The following RAD54B variants were observed in gnomAD, a reference collection of about 807,000 sequenced individuals.
The protein encoded by RAD54B is RAD54 homolog B, also known as DNA repair and recombination protein RAD54B.
Under a neutral mutation model 95.8 loss-of-function variants are expected in RAD54B, and 78 were observed. The observed-to-expected ratio is 0.81, with a 90% CI of 0.68 to 0.98. The LOEUF is 0.98. Among genes scored for constraint, RAD54B ranks in the 50% least tolerant of loss-of-function variants. The pLI is 0.00. For missense variants in RAD54B, 957 were observed against 1,056.6 expected (o/e 0.91, Z 1.31); for synonymous variants, 328 against 354.9 (o/e 0.92, Z 0.85).
intron 3 of RAD54B, among the ~76,000 whole-genome samples, chr8:94,447,988 T>C (rs1306063698): frequency 1.3e-5 from 2 of 152,222 alleles, no homozygotes; most frequent in Non-Finnish European, 2.9e-5. Context: ...TATCGATACT[T>C]GAACCAAAAG....
Position 94,393,882 on chromosome 8 carries a change from C to A in RAD54B, c.1379G>T (p.Gly460Val). 2 of 1,580,206 alleles carry A rather than the reference C, an allele frequency of 1.3e-6. No individual in the cohort carries two copies. The highest frequency in any genetic ancestry group is 1.2e-5 in the South Asian group (1 of 85,204). ...TTGCAGATCATTCTGAATTGGAGTA[C>A]CTAAAGAGAGACAAAAATGAGTAAA... is the stretch of plus-strand genomic sequence containing the variant. ...LSCEKRIILT[G>V]TPIQNDLQEF... is the part of the protein sequence containing the mutation. The change falls in exon 9 of 15, where the codon GGT (glycine) becomes GTT (valine). Residue 460 changes from glycine (G) to valine (V), a missense_variant and splice_region_variant. Transcript: ENST00000336148.
At chr8:94,393,690 A>C in intron 9 of RAD54B, 53 bp downstream of exon 9, 1 of 1,455,302 alleles carries the variant, frequency 6.9e-7, no homozygotes, top group Non-Finnish European at 9.4e-7. Context: ...GTTATGGATG[A>C]TTTCCTCAGA....
chr8:94,419,492 G>A lies in RAD54B; in HGVS notation c.305-8177C>T, dbSNP rs954765238. Among the ~76,000 whole-genome samples the A allele has an allele frequency of 5.3e-5, 8 of 151,958 alleles. 1 individual carries two copies. Among genetic ancestry groups the A allele is most frequent in the African/African-American group, 1.9e-4 (8 of 41,346 alleles). On this transcript the variant is annotated intron_variant, in intron 3 of 14. Coordinates refer to ENST00000336148, the MANE Select transcript of RAD54B (RefSeq NM_012415.3). ...CACTGCACTCTAGCCTGGGCAACAA[G>A]AGCGAAACTCCGTCTCAAAAAAATA...
At position 94,399,487 on chromosome 8, in the gene RAD54B, A is replaced by T; in HGVS notation, c.1305T>A (p.Arg435=). The T allele has an allele frequency of 1.2e-6, 2 of 1,613,704 alleles. No homozygotes were observed. Among genetic ancestry groups the T allele is most frequent in the Non-Finnish European group, 1.7e-6 (2 of 1,179,744 alleles). ...FDLLICDEGH[R]LKNSAIKTTT... Reference sequence around the variant, plus strand: ...TTGTCTTAATGGCACTGTTCTTCAAACGATGCCCCTCGTCACAGATTAGAA... The same window carrying T: ...TTGTCTTAATGGCACTGTTCTTCAATCGATGCCCCTCGTCACAGATTAGAA... The change falls in exon 8 of 15, where the codon CGT becomes CGA. Residue 435 remains arginine (R), a synonymous_variant. Coordinates refer to ENST00000336148, the MANE Select transcript of RAD54B (RefSeq NM_012415.3).
intron 11 of RAD54B, 30 bp from the exon 12 acceptor site, chr8:94,380,436 T>G (rs752134426): frequency 1.2e-5 from 18 of 1,559,658 alleles, no homozygotes; most frequent in Middle Eastern, 1.8e-4. Context: ...ATTCTTTAGA[T>G]AAATTTAAAG....
intron 12 of RAD54B, among the ~76,000 whole-genome samples, chr8:94,379,481 T>G (rs1199240073): frequency 6.6e-6 from 1 of 152,214 alleles, no homozygotes; most frequent in Non-Finnish European, 1.5e-5. Flanking sequence ...GTGCCTGGTC[T>G]CTCTTGGACT....
In RAD54B at chr8:94,432,176, T is replaced by C. The variant is rs1306142565; in HGVS notation, c.305-20861A>G. Reference sequence around the variant, plus strand: ...GTAGATCATGCCGTAAGCGAATTGCTTTCAGCTTCTCCACTTCAATTTTTG... The same window carrying C: ...GTAGATCATGCCGTAAGCGAATTGCCTTCAGCTTCTCCACTTCAATTTTTG... On this transcript the variant is annotated intron_variant, in intron 3 of 14. Coordinates refer to ENST00000336148, the MANE Select transcript of RAD54B (RefSeq NM_012415.3). 8 of 1,550,176 alleles carry C rather than the reference T, an allele frequency of 5.2e-6. 1 individual carries two copies. In the South Asian group the frequency reaches 5.9e-5, roughly 12 times the overall value.
chr8:94,417,623 C>T (rs1349982968), intron 3 of RAD54B, among the ~76,000 whole-genome samples: 1 of 151,860 alleles, frequency 6.6e-6, no homozygotes, highest in Non-Finnish European at 1.5e-5. Flanking sequence ...TAAACATACA[C>T]CTACCATAAC....
At chr8:94,452,855 T>C (rs558605515) in intron 3 of RAD54B, among the ~76,000 whole-genome samples, 6 of 152,282 alleles carry the variant, frequency 3.9e-5, no homozygotes, top group South Asian at 2.1e-4. Flanking sequence ...AAAGTTTAAA[T>C]TGAAAGCACA....
In RAD54B at chr8:94,406,476, T is replaced by G. The variant is rs1811390801; in HGVS notation, c.781+963A>C. Among the ~76,000 whole-genome samples the G allele has an allele frequency of 2.0e-5, 3 of 152,184 alleles. No individual in the cohort carries two copies. The South Asian group carries it at 6.2e-4, about 32-fold the overall frequency. ...CAGCTTCCACTGCCTGTATTTCAAC[T>G]AAGTCTTTGGGATAAGCTAATATAG... is the stretch of plus-strand genomic sequence containing the variant. On this transcript the variant is annotated intron_variant, in intron 5 of 14. Coordinates refer to ENST00000336148, the MANE Select transcript of RAD54B (RefSeq NM_012415.3).
At chr8:94,377,573 A>C (rs546410385) in intron 14 of RAD54B, among the ~76,000 whole-genome samples, 4,982 of 143,154 alleles carry the variant, frequency 0.035, 394 homozygotes, top group African/African-American at 0.12. Flanking sequence ...AAAAAAAAAA[A>C]AAAAAAAACT....
At chr8:94,428,230 A>C in intron 3 of RAD54B, 2 of 886,772 alleles carry the variant, frequency 2.3e-6, no homozygotes, top group Non-Finnish European at 2.7e-6. Context: ...CTACAGAATC[A>C]AGTCTACATT....
chr8:94,464,963 CG>C (rs1030003673), intron 2 of RAD54B, among the ~76,000 whole-genome samples: 3 of 151,966 alleles, frequency 2.0e-5, no homozygotes, highest in African/African-American at 7.3e-5. Context: ...GGACTCAGAG[CG>C]AAAACTCACT....
intron 6 of RAD54B, among the ~76,000 whole-genome samples, chr8:94,400,928 C>T (rs1272560936): frequency 6.6e-6 from 1 of 152,004 alleles, no homozygotes; most frequent in Non-Finnish European, 1.5e-5. Flanking sequence ...AAATAGCTCC[C>T]TGCATCATAA....
chr8:94,445,303 T>C (rs987321720), intron 3 of RAD54B, among the ~76,000 whole-genome samples: 1 of 152,064 alleles, frequency 6.6e-6, no homozygotes, highest in African/African-American at 2.4e-5. Context: ...CCTCCTAATA[T>C]CACCACCTTG....
chr8:94,400,349 T>G lies in RAD54B; in HGVS notation c.1059A>C (p.Pro353=), dbSNP rs944528757. 2 of 1,613,740 alleles carry G rather than the reference T, an allele frequency of 1.2e-6. No homozygotes were observed. The highest frequency in any genetic ancestry group is 1.7e-6 in the Non-Finnish European group (2 of 1,179,904). The part of the protein sequence containing the change: ...LQCQGPYGGK[P]VIKKTLIVTP... ...TGACAATTAGTGTCTTCTTTATTAC[T>G]GGCTTGCCTCCATAGGGTCCCTGAC... Residue 353 remains proline (P), a synonymous_variant, in exon 7 of 15, where the codon CCA becomes CCC. Coordinates refer to ENST00000336148, the MANE Select transcript of RAD54B (RefSeq NM_012415.3).
At chr8:94,444,501 A>G (rs768920521) in intron 3 of RAD54B, among the ~76,000 whole-genome samples, 14 of 152,222 alleles carry the variant, frequency 9.2e-5, no homozygotes, top group Non-Finnish European at 1.8e-4. Context: ...AGGTGGATCT[A>G]CGTGTTCTAA....
chr8:94,427,991 T>C, intron 3 of RAD54B: 1 of 927,986 alleles, frequency 1.1e-6, no homozygotes. Flanking sequence ...GAAAAATACT[T>C]GACTATTTTA....
intron 11 of RAD54B, among the ~76,000 whole-genome samples, chr8:94,380,708 T>A (rs1276779719): frequency 6.6e-6 from 1 of 152,150 alleles, no homozygotes; most frequent in Non-Finnish European, 1.5e-5. Context: ...CTGAAGATAT[T>A]TGAAAACAAA....
Sources: allele counts gnomAD v4.1 joint callset (sites outside exome capture counted in the v4.1 genomes callset), GRCh38; gene constraint gnomAD v4.1.1; transcripts MANE v1.5; gene names NCBI Gene and HGNC (gene_info 2026-07-23, HGNC 2026-07-21).